MIPOL1: variants seen among roughly 807,000 people sequenced by gnomAD.
The protein encoded by MIPOL1 is mirror-image polydactyly gene 1 protein.
MIPOL1 carries 57 observed loss-of-function variants against 60.9 expected under a neutral mutation model. That is an observed-to-expected ratio of 0.94 (90% CI 0.76 to 1.17). The LOEUF is 1.17. MIPOL1 is among the 50% of genes most tolerant of loss of function. The pLI is 0.00. For missense variants in MIPOL1, 551 were observed against 511.6 expected, an observed-to-expected ratio of 1.08 and a Z score of -0.74; for synonymous variants, 179 against 168.8, an observed-to-expected ratio of 1.06 and a Z score of -0.47.
intron 7 of MIPOL1, among the ~76,000 whole-genome samples, chr14:37,307,173 G>A (rs985257314): frequency 6.6e-6 from 1 of 151,616 alleles, no homozygotes; most frequent in African/African-American, 2.4e-5. Flanking sequence ...GCACAGAAAC[G>A]GGGAAAACTT....
chr14:37,499,021 A>G (rs1427426014), intron 11 of MIPOL1, among the ~76,000 whole-genome samples: 3 of 152,134 alleles, frequency 2.0e-5, no homozygotes, highest in East Asian at 1.9e-4. Flanking sequence ...AATGTCTCCA[A>G]TCGACATTTC....
intron 11 of MIPOL1, among the ~76,000 whole-genome samples, chr14:37,498,762 T>C (rs1350751927): frequency 1.3e-5 from 2 of 152,154 alleles, no homozygotes; most frequent in Non-Finnish European, 2.9e-5. Flanking sequence ...GTATGCTGAC[T>C]GTCCTTGTTT....
intron 11 of MIPOL1, among the ~76,000 whole-genome samples, chr14:37,435,979 A>T (rs1456445255): frequency 6.6e-6 from 1 of 152,190 alleles, no homozygotes; most frequent in Non-Finnish European, 1.5e-5. Flanking sequence ...TGCTTTACAA[A>T]AGGCAGGATT....
At chr14:37,326,963 GA>G (rs546993820) in intron 9 of MIPOL1, among the ~76,000 whole-genome samples, 1 of 150,352 alleles carries the variant, frequency 6.7e-6, no homozygotes, top group Non-Finnish European at 1.5e-5. Flanking sequence ...AGCAGAAAAT[GA>G]AAAAAAAACT....
chr14:37,487,787 C>T (rs1242864503), intron 11 of MIPOL1, among the ~76,000 whole-genome samples: 1 of 152,094 alleles, frequency 6.6e-6, no homozygotes, highest in African/African-American at 2.4e-5. Flanking sequence ...AAAACCAGCT[C>T]CTGGATTCAT....
chr14:37,251,848 A>G (rs188245554), intron 3 of MIPOL1, among the ~76,000 whole-genome samples: 19 of 152,082 alleles, frequency 1.2e-4, no homozygotes, highest in Non-Finnish European at 1.5e-5. Context: ...ACAGGTAAAT[A>G]TGTCTGCCCT....
chr14:37,493,411 A>G (rs2095073488), intron 11 of MIPOL1, among the ~76,000 whole-genome samples: 1 of 152,162 alleles, frequency 6.6e-6, no homozygotes, highest in South Asian at 2.1e-4. Flanking sequence ...AGTCAGGGCC[A>G]CAGACATAAA....
intron 12 of MIPOL1, among the ~76,000 whole-genome samples, chr14:37,516,277 A>C (rs2095368668): frequency 6.6e-6 from 1 of 152,156 alleles, no homozygotes; most frequent in African/African-American, 2.4e-5. Context: ...GTGGGTCTAA[A>C]GTCTTTTTGT....
At chr14:37,514,414 A>G (rs1346809660) in intron 12 of MIPOL1, among the ~76,000 whole-genome samples, 1 of 152,204 alleles carries the variant, frequency 6.6e-6, no homozygotes, top group Non-Finnish European at 1.5e-5. Context: ...TGTTTATAGT[A>G]AAGGTGAAAA....
chr14:37,382,736 T>G (rs890854913), intron 10 of MIPOL1, among the ~76,000 whole-genome samples: 10 of 151,940 alleles, frequency 6.6e-5, no homozygotes, highest in Non-Finnish European at 7.4e-5. Flanking sequence ...GATATTAAAT[T>G]TTATCATTAA....
intron 9 of MIPOL1, among the ~76,000 whole-genome samples, chr14:37,318,749 T>C (rs187140381): frequency 2.0e-5 from 3 of 152,270 alleles, no homozygotes; most frequent in Non-Finnish European, 2.9e-5. Context: ...ATTTTTCACA[T>C]TGATTTGACA....
At chr14:37,279,523 G>A (rs531990540) in intron 6 of MIPOL1, among the ~76,000 whole-genome samples, 194 of 151,802 alleles carry the variant, frequency 1.3e-3, no homozygotes, top group Non-Finnish European at 2.3e-3. Context: ...TCCAGAATCA[G>A]GATTTTTTAT....
chr14:37,546,107 T>A (rs1373133311), intron 12 of MIPOL1: 1 of 153,646 alleles, frequency 6.5e-6, no homozygotes, highest in Non-Finnish European at 1.4e-5. Flanking sequence ...CTGATCTACA[T>A]GAATGTGACC....
intron 9 of MIPOL1, among the ~76,000 whole-genome samples, chr14:37,311,952 A>AT (rs537317997): frequency 4.6e-5 from 7 of 151,738 alleles, no homozygotes; most frequent in Non-Finnish European, 8.8e-5. Context: ...CTTTCCTTGT[A>AT]TTTTTTTCCT....
At chr14:37,482,201 A>G (rs918170953) in intron 11 of MIPOL1, among the ~76,000 whole-genome samples, 7 of 152,232 alleles carry the variant, frequency 4.6e-5, no homozygotes, top group African/African-American at 1.7e-4. Flanking sequence ...TAATATCCAA[A>G]ATATGTAAGG....
At chr14:37,334,812 CATTT>C (rs758615394) in intron 9 of MIPOL1, among the ~76,000 whole-genome samples, 34 of 151,908 alleles carry the variant, frequency 2.2e-4, no homozygotes, top group Non-Finnish European at 3.8e-4. Context: ...ATTTTTTCAA[CATTT>C]ATCCATCTGG....
chr14:37,391,041 G>A (rs2093222353), intron 10 of MIPOL1, among the ~76,000 whole-genome samples: 1 of 152,042 alleles, frequency 6.6e-6, no homozygotes, highest in South Asian at 2.1e-4. Context: ...AGGAAAAAAA[G>A]TTGTTCAAAG....
At chr14:37,441,651 T>G (rs951803381) in intron 11 of MIPOL1, among the ~76,000 whole-genome samples, 1 of 152,194 alleles carries the variant, frequency 6.6e-6, no homozygotes, top group African/African-American at 2.4e-5. Flanking sequence ...TAGTATAATT[T>G]GAAGTCAAGT....
At chr14:37,364,055 T>C (rs906012518) in intron 9 of MIPOL1, among the ~76,000 whole-genome samples, 3 of 152,180 alleles carry the variant, frequency 2.0e-5, no homozygotes, top group Admixed American at 6.5e-5. Flanking sequence ...TTCCCTTGGC[T>C]AGGAAAGGGA....
Sources: gnomAD v4.1 joint callset for allele counts (sites outside exome capture counted in the v4.1 genomes callset) on GRCh38, gnomAD v4.1.1 for gene constraint, MANE v1.5 for transcripts, NCBI Gene and HGNC (gene_info 2026-07-23, HGNC 2026-07-21) for gene names.